DCLK1: variants seen among roughly 807,000 people sequenced by gnomAD.
DCLK1 encodes the protein serine/threonine-protein kinase DCLK1.
DCLK1 carries 16 observed loss-of-function variants against 86.2 expected under a neutral mutation model. The ratio of observed to expected loss-of-function variants is 0.19; its 90% CI spans 0.13 to 0.28. The LOEUF is 0.28. Ranked by LOEUF, DCLK1 falls within the 10% of genes least tolerant of loss-of-function variation. DCLK1 has a pLI of 1.00. For missense variants in DCLK1, 590 were observed against 940.2 expected (o/e 0.63, Z 4.87); for synonymous variants, 369 against 370.5 (o/e 1.00, Z 0.05).
intron 4 of DCLK1, among the ~76,000 whole-genome samples, chr13:35,891,498 A>G (rs1306136933): frequency 6.6e-6 from 1 of 152,150 alleles, no homozygotes; most frequent in Admixed American, 6.6e-5. Flanking sequence ...GCTAATGGAT[A>G]TGGAGTTTAT....
In DCLK1 at chr13:35,774,219, A is replaced by G. The variant is rs545597760; in HGVS notation, c.*316T>C. ...ATTCTATGCACTCAGAGGGTTAACA[A>G]GTGCTATATTACATACTGCAGATCC... On this transcript the variant is annotated 3_prime_UTR_variant, in exon 17 of 17. Coordinates refer to ENST00000360631, the MANE Select transcript of DCLK1 (RefSeq NM_001330071.2). 4.0e-5 allele frequency: 9 copies of G among 225,500 alleles called. No individual in the cohort carries two copies. The highest frequency in any genetic ancestry group is 7.1e-5 in the Non-Finnish European group (8 of 113,070). 14.0% of individuals were successfully genotyped at this position (225,500 alleles called of 1,614,324 possible).
chr13:35,805,484 A>G (rs895317876), intron 15 of DCLK1: 6 of 461,138 alleles, frequency 1.3e-5, no homozygotes, highest in Non-Finnish European at 2.3e-5. Context: ...TTTTTGGTAG[A>G]GATGGGGTTT....
chr13:35,929,180 C>T (rs1566607234), intron 4 of DCLK1, among the ~76,000 whole-genome samples: 1 of 152,176 alleles, frequency 6.6e-6, no homozygotes. Context: ...CCACCTGCCT[C>T]GGCCTCCCAA....
chr13:35,870,659 G>A (rs1157252706), intron 5 of DCLK1, among the ~76,000 whole-genome samples: 2 of 152,152 alleles, frequency 1.3e-5, no homozygotes, highest in African/African-American at 4.8e-5. Flanking sequence ...AGACCAAAAA[G>A]GAGAAGGTAG....
At chr13:36,079,442 C>T (rs1453970759) in intron 3 of DCLK1, among the ~76,000 whole-genome samples, 1 of 151,960 alleles carries the variant, frequency 6.6e-6, no homozygotes, top group Non-Finnish European at 1.5e-5. Context: ...CCAGCCTGGC[C>T]AACATGGTGA....
intron 16 of DCLK1, among the ~76,000 whole-genome samples, chr13:35,790,610 A>G (rs1454383231): frequency 6.6e-6 from 1 of 152,206 alleles, no homozygotes; most frequent in African/African-American, 2.4e-5. Context: ...AATGAAATTT[A>G]TGCTGAAACC....
intron 5 of DCLK1, 118 bp from the exon 6 acceptor site, chr13:35,854,711 C>T (rs2153110703): frequency 2.6e-6 from 2 of 778,184 alleles, no homozygotes; most frequent in Middle Eastern, 2.6e-4. Context: ...GAACTCTAGA[C>T]ACCCTTCCAT....
At chr13:36,045,330 G>GTATATATA (rs1316034070) in intron 3 of DCLK1, among the ~76,000 whole-genome samples, 15 of 56,594 alleles carry the variant, frequency 2.7e-4, no homozygotes, top group South Asian at 1.5e-3. Context: ...GTGTGTGTGT[G>GTATATATA]TGTATATATA....
chr13:35,927,170 C>T (rs1876169373), intron 4 of DCLK1, among the ~76,000 whole-genome samples: 1 of 152,192 alleles, frequency 6.6e-6, no homozygotes, highest in South Asian at 2.1e-4. Flanking sequence ...AAAAGTAATC[C>T]AGTTTCCAAA....
Position 35,817,878 on chromosome 13 carries a change from T to C in DCLK1, c.1554+4851A>G, listed in dbSNP as rs368544102. On this transcript the variant is annotated intron_variant, in intron 11 of 16. Coordinates refer to ENST00000360631, the MANE Select transcript of DCLK1 (RefSeq NM_001330071.2). ...ACCTGCAGTCAGGCCAAGTATTCCA[T>C]TACTGTTTCTGAAATTGACAATAAC... Among the ~76,000 whole-genome samples the C allele has an allele frequency of 1.4e-4, 21 of 152,206 alleles. 1 individual carries two copies. In the South Asian group the frequency reaches 3.1e-3, roughly 22 times the overall value.
At chr13:35,964,697 G>A (rs1424527151) in intron 3 of DCLK1, among the ~76,000 whole-genome samples, 1 of 151,850 alleles carries the variant, frequency 6.6e-6, no homozygotes, top group Non-Finnish European at 1.5e-5. Context: ...TGACTTCCAC[G>A]GGTTCCGTAA....
At chr13:35,940,027 C>T (rs148633772) in intron 4 of DCLK1, among the ~76,000 whole-genome samples, 260 of 152,240 alleles carry the variant, frequency 1.7e-3, no homozygotes, top group African/African-American at 5.9e-3. Context: ...GTATGGATAG[C>T]CTGGCCAACA....
At chr13:36,076,478 G>C (rs9531408) in intron 3 of DCLK1, among the ~76,000 whole-genome samples, 5,713 of 152,260 alleles carry the variant, frequency 0.038, 139 homozygotes, top group Middle Eastern at 0.088. Context: ...AAAAAGCTCT[G>C]ATTGAGCTTG....
intron 3 of DCLK1, among the ~76,000 whole-genome samples, chr13:36,001,830 A>AT (rs1231790371): frequency 6.6e-6 from 1 of 152,108 alleles, no homozygotes; most frequent in Non-Finnish European, 1.5e-5. Flanking sequence ...ATCTTACTGA[A>AT]TCCCTCTTAA....
At chr13:36,092,487 T>A (rs987524869) in intron 3 of DCLK1, among the ~76,000 whole-genome samples, 1 of 109,286 alleles carries the variant, frequency 9.2e-6, no homozygotes, top group African/African-American at 3.9e-5. Context: ...CGTTTTCTTT[T>A]TTTTTTTTTT....
chr13:36,056,910 T>TATAC (rs1180013799), intron 3 of DCLK1, among the ~76,000 whole-genome samples: 1 of 117,908 alleles, frequency 8.5e-6, no homozygotes, highest in Non-Finnish European at 1.7e-5. Flanking sequence ...AAAAAAAATA[T>TATAC]ATATATATAT....
chr13:35,984,269 C>T (rs947671857), intron 3 of DCLK1, among the ~76,000 whole-genome samples: 5 of 152,232 alleles, frequency 3.3e-5, no homozygotes, highest in African/African-American at 1.2e-4. Flanking sequence ...ACGGAATCCT[C>T]TGGGCATCCT....
At chr13:35,786,216 C>T (rs532091022) in intron 16 of DCLK1, among the ~76,000 whole-genome samples, 74 of 152,252 alleles carry the variant, frequency 4.9e-4, no homozygotes, top group African/African-American at 1.8e-3. Flanking sequence ...AGTTCCCATC[C>T]TTAATCCTAC....
At chr13:35,943,566 A>T (rs890881845) in intron 4 of DCLK1, among the ~76,000 whole-genome samples, 3 of 152,180 alleles carry the variant, frequency 2.0e-5, no homozygotes, top group Admixed American at 6.5e-5. Flanking sequence ...GATGACAGGT[A>T]TCTGGACTCC....
Sources: gnomAD v4.1 joint callset for allele counts (sites outside exome capture counted in the v4.1 genomes callset) on GRCh38, gnomAD v4.1.1 for gene constraint, MANE v1.5 for transcripts, NCBI Gene and HGNC (gene_info 2026-07-23, HGNC 2026-07-21) for gene names.